The following PACSIN2 variants were observed in gnomAD, a reference collection of about 807,000 sequenced individuals.
The protein encoded by PACSIN2 is protein kinase C and casein kinase substrate in neurons 2.
A neutral mutation model predicts 63.8 loss-of-function variants in PACSIN2; 25 were observed. The observed-to-expected ratio is 0.39, with a 90% CI of 0.29 to 0.55. The LOEUF (loss-of-function observed/expected upper bound fraction) is 0.55, where lower values mean the gene tolerates loss of function less well. Ranked by LOEUF, PACSIN2 falls within the 20% of genes least tolerant of loss-of-function variation. The pLI is 0.62. For missense variants in PACSIN2, 518 were observed against 646.9 expected, an observed-to-expected ratio of 0.80 and a Z score of 2.16; for synonymous variants, 255 against 256.2, an observed-to-expected ratio of 1.00 and a Z score of 0.05.
intron 1 of PACSIN2, among the ~76,000 whole-genome samples, chr22:42,981,208 C>T (rs1297475457): frequency 6.5e-5 from 8 of 122,936 alleles, no homozygotes; most frequent in Non-Finnish European, 1.0e-4. Flanking sequence ...CGTCTCTGCC[C>T]GGCCGCTCCG....
intron 1 of PACSIN2, among the ~76,000 whole-genome samples, chr22:42,925,480 TAAA>T (rs57374574): frequency 1.5e-5 from 2 of 134,302 alleles, no homozygotes. Flanking sequence ...ACTCCGTCTT[TAAA>T]AAAAAAAAAA....
chr22:42,945,982 C>T (rs1933401554), intron 1 of PACSIN2: 1 of 152,826 alleles, frequency 6.5e-6, no homozygotes, highest in Non-Finnish European at 1.5e-5. Context: ...CACCACACTC[C>T]TGGCCACACT....
chr22:42,990,900 C>T (rs1195707993), intron 1 of PACSIN2, among the ~76,000 whole-genome samples: 1 of 152,168 alleles, frequency 6.6e-6, no homozygotes, highest in Non-Finnish European at 1.5e-5. Flanking sequence ...ACAAAAAGCA[C>T]AGCCCAAAGA....
At chr22:42,936,384 G>A (rs1396869083) in intron 1 of PACSIN2, among the ~76,000 whole-genome samples, 1 of 152,174 alleles carries the variant, frequency 6.6e-6, no homozygotes, top group African/African-American at 2.4e-5. Context: ...AGTGGAAGGA[G>A]ATGGAGCAGA....
rs768725896 is a variant in PACSIN2, at chr22:42,979,523, C to CAA, written c.-78+35496_-78+35497dup. 1.9e-3 allele frequency among the ~76,000 whole-genome samples: 115 copies of CAA among 61,390 alleles called. 1 individual carries two copies. The highest frequency in any genetic ancestry group is 4.9e-3 in the African/African-American group (79 of 16,158). The allele number at this position is 61,390 out of a possible 152,430, so 40.3% of individuals were successfully genotyped here. A position where few individuals can be genotyped will look rare whatever the true frequency, so the allele number is the denominator to read the frequency against. ...TAGGCAACAAAGCAAGACTCCCTCT[C>CAA]AAAAAAAAAAAAAAAAAAAAAGGAA... On this transcript the variant is annotated intron_variant, in intron 1 of 10. Coordinates refer to ENST00000263246, the MANE Select transcript of PACSIN2 (RefSeq NM_001184970.3).
intron 10 of PACSIN2, among the ~76,000 whole-genome samples, chr22:42,875,862 C>T (rs1336407377): frequency 1.3e-5 from 2 of 151,996 alleles, no homozygotes; most frequent in African/African-American, 4.8e-5. Context: ...TTTGTAGAGA[C>T]AGGTTTTGCC....
At chr22:42,928,773 G>A (rs137567) in intron 1 of PACSIN2, among the ~76,000 whole-genome samples, 1 of 152,174 alleles carries the variant, frequency 6.6e-6, no homozygotes, top group Admixed American at 6.5e-5. Flanking sequence ...AATCAATAAA[G>A]CTACACTGAA....
rs184590354 is a variant in PACSIN2, at chr22:42,901,411, G to C, written c.61-7798C>G. Among the ~76,000 whole-genome samples, 3 of 152,266 alleles carry C rather than the reference G, an allele frequency of 2.0e-5. No homozygotes were observed. In the East Asian group the frequency reaches 5.8e-4, roughly 29 times the overall value. ...GCAACGAGACGGGCAAAATGCTTTC[G>C]ATAACTTGTTCAAATCCATCGGATT... is the stretch of plus-strand genomic sequence containing the variant. On this transcript the variant is annotated intron_variant, in intron 2 of 10. Transcript: ENST00000263246.
intron 1 of PACSIN2, among the ~76,000 whole-genome samples, chr22:42,984,871 T>A (rs1922497113): frequency 6.6e-6 from 1 of 152,128 alleles, no homozygotes; most frequent in South Asian, 2.1e-4. Context: ...ACTACTTACC[T>A]GAAAAAAGCA....
At chr22:43,014,829 C>G (rs1924777607) in intron 1 of PACSIN2, among the ~76,000 whole-genome samples, 192 bp downstream of exon 1, 1 of 151,620 alleles carries the variant, frequency 6.6e-6, no homozygotes, top group South Asian at 2.1e-4. Context: ...CAGGCGCCCC[C>G]CGGGGCCCCG....
In PACSIN2 at chr22:42,871,576, T is replaced by C. The variant is rs1928133324; in HGVS notation, c.1349-107A>G. On this transcript the variant is annotated intron_variant, in intron 10 of 10. Transcript: ENST00000263246. This position sits in a 1 kb window ranked among gnomAD's most constrained non-coding sequence, Gnocchi z 5.4. Reference sequence around the variant, plus strand: ...CCCACAGAGGGTGGAGGGCCAGGCATTCTGTGGCGGGCAGGCCGAGGGCCT... The same window carrying C: ...CCCACAGAGGGTGGAGGGCCAGGCACTCTGTGGCGGGCAGGCCGAGGGCCT... 1 of 872,166 alleles carries C rather than the reference T, an allele frequency of 1.1e-6. No individual in the cohort carries two copies. The highest frequency in any genetic ancestry group is 1.9e-6 in the Non-Finnish European group (1 of 517,960). 54.0% of individuals were successfully genotyped at this position (872,166 alleles called of 1,614,324 possible).
At chr22:42,924,325 T>C (rs990308857) in intron 1 of PACSIN2, among the ~76,000 whole-genome samples, 45 of 152,230 alleles carry the variant, frequency 3.0e-4, no homozygotes, top group African/African-American at 1.1e-3. Context: ...AACTCAGTGT[T>C]TTGTATCTGT....
intron 1 of PACSIN2, among the ~76,000 whole-genome samples, chr22:42,969,081 C>T (rs992477881): frequency 5.3e-5 from 8 of 152,358 alleles, no homozygotes; most frequent in African/African-American, 1.7e-4. Flanking sequence ...ACCCTATTGG[C>T]TCTGACTAAT....
chr22:42,870,595 G>A lies in PACSIN2; in HGVS notation c.*762C>T, dbSNP rs551894587. ...GTGATAAAATTGTTAATTTGCAAAA[G>A]AGTACAGTTTTAAGCAAGAATAGAG... On this transcript the variant is annotated 3_prime_UTR_variant, in exon 11 of 11. Coordinates refer to ENST00000263246, the MANE Select transcript of PACSIN2 (RefSeq NM_001184970.3). 6.6e-5 allele frequency: 10 copies of A among 152,262 alleles called. No homozygotes were observed. Among genetic ancestry groups the A allele is most frequent in the African/African-American group, 2.2e-4 (9 of 41,552 alleles). 9.4% of individuals were successfully genotyped at this position (152,262 alleles called of 1,614,324 possible). A position where few individuals can be genotyped will look rare whatever the true frequency, so the allele number is the denominator to read the frequency against.
At chr22:42,976,780 C>CTATA (rs1238129647) in intron 1 of PACSIN2, among the ~76,000 whole-genome samples, 25 of 152,176 alleles carry the variant, frequency 1.6e-4, no homozygotes, top group Non-Finnish European at 1.5e-5. Context: ...TCCATCAACC[C>CTATA]TATACAGCAG....
chr22:42,938,461 A>T (rs193115357), intron 1 of PACSIN2, among the ~76,000 whole-genome samples: 1 of 152,180 alleles, frequency 6.6e-6, no homozygotes, highest in Non-Finnish European at 1.5e-5. Flanking sequence ...ATGACCTTAG[A>T]GGAAAGGAAG....
intron 10 of PACSIN2, among the ~76,000 whole-genome samples, chr22:42,872,446 T>C (rs1368447653): frequency 6.6e-6 from 1 of 152,272 alleles, no homozygotes; most frequent in African/African-American, 2.4e-5. Flanking sequence ...ATTGCTAAGT[T>C]TGAAGTTTTG....
rs150788427 is a variant in PACSIN2, at chr22:43,008,902, T to C, written c.-78+6119A>G. 2.8e-3 allele frequency among the ~76,000 whole-genome samples: 422 copies of C among 152,340 alleles called. 3 individuals are homozygous for C. The highest frequency in any genetic ancestry group is 9.9e-3 in the African/African-American group (410 of 41,578). On this transcript the variant is annotated intron_variant, in intron 1 of 10. Transcript: ENST00000263246. ...TCATTTTAATGTACTCTTTCATCAA[T>C]AAGCATTAAATAAGTCTGCTCAAAA... is the stretch of plus-strand genomic sequence containing the variant.
chr22:42,882,680 T>A (rs1019979908), intron 6 of PACSIN2, among the ~76,000 whole-genome samples: 5 of 152,162 alleles, frequency 3.3e-5, no homozygotes, highest in African/African-American at 1.2e-4. Flanking sequence ...TCCTTCCTCA[T>A]CTCTGTCCAG....
Sources: allele counts gnomAD v4.1 joint callset (sites outside exome capture counted in the v4.1 genomes callset), GRCh38; gene constraint gnomAD v4.1.1; non-coding constraint Gnocchi (gnomAD v3.1); transcripts MANE v1.5; gene names NCBI Gene and HGNC (gene_info 2026-07-23, HGNC 2026-07-21).